The following MDN1 variants were observed in gnomAD, a reference collection of about 807,000 sequenced individuals.
The protein encoded by MDN1 is midasin.
Under a neutral mutation model 669.2 loss-of-function variants are expected in MDN1, and 266 were observed. The ratio of observed to expected loss-of-function variants is 0.40; its 90% CI spans 0.36 to 0.44. The LOEUF (loss-of-function observed/expected upper bound fraction) is 0.44. MDN1 is among the 20% of genes least tolerant of loss of function. The probability of loss-of-function intolerance (pLI) is 1.00; values close to 1 mark genes in which losing one functional copy is unlikely to be tolerated. For synonymous variants in MDN1, 2,385 were observed against 2,457.1 expected (o/e 0.97, Z 0.87); for missense variants, 5,940 against 6,754.0 (o/e 0.88, Z 4.22).
At position 89,688,777 on chromosome 6, in the gene MDN1, G is replaced by A. The variant is rs1419365107; in HGVS notation, c.11055C>T (p.Ser3685=). Residue 3685 remains serine (S), a synonymous_variant, in exon 66 of 102, where the codon AGC becomes AGT. Coordinates refer to ENST00000369393, the MANE Select transcript of MDN1 (RefSeq NM_014611.3). ...GGGAGAGGGTACAGGCCAAAAGTTGGCTGCCCAAGAGTCGGTCATTCAGTT... is the reference window on the plus strand; with the variant it reads ...GGGAGAGGGTACAGGCCAAAAGTTGACTGCCCAAGAGTCGGTCATTCAGTT... ...GVELNDRLLG[S]QLLACTLSHN... is the part of the protein sequence containing the mutation. 1 of 1,614,026 alleles carries A rather than the reference G, an allele frequency of 6.2e-7. No homozygotes were observed. The highest frequency in any genetic ancestry group is 1.3e-5 in the African/African-American group (1 of 74,916).
chr6:89,690,587 A>G, intron 64 of MDN1, 86 bp downstream of exon 64: 4 of 1,500,738 alleles, frequency 2.7e-6, no homozygotes, highest in Non-Finnish European at 2.7e-6. Flanking sequence ...GAGAGAGATA[A>G]AGAGGAAGAG....
chr6:89,721,180 G>A (rs778683466), intron 40 of MDN1, among the ~76,000 whole-genome samples: 20 of 152,202 alleles, frequency 1.3e-4, no homozygotes, highest in Non-Finnish European at 2.4e-4. Context: ...GTCGACTCCT[G>A]TGAGGTATGG....
chr6:89,775,074 TCTC>T (rs1330844114), intron 12 of MDN1, among the ~76,000 whole-genome samples: 1 of 152,172 alleles, frequency 6.6e-6, no homozygotes, highest in East Asian at 1.9e-4. Flanking sequence ...CTAGCTATGC[TCTC>T]CTCTGCTTTA....
At chr6:89,649,910 G>A (rs1808732235) in intron 97 of MDN1, 114 bp downstream of exon 97, 1 of 1,079,416 alleles carries the variant, frequency 9.3e-7, no homozygotes, top group East Asian at 2.4e-5. Flanking sequence ...AAATGTTTTA[G>A]CCATATCATA....
At chr6:89,729,170 A>C in intron 35 of MDN1, 31 bp from the exon 36 acceptor site, 1 of 1,565,176 alleles carries the variant, frequency 6.4e-7, no homozygotes, top group Non-Finnish European at 8.7e-7. Context: ...GTCATGTATA[A>C]GCGGGACATC....
At chr6:89,791,290 A>G (rs1315261743) in intron 5 of MDN1, among the ~76,000 whole-genome samples, 1 of 152,200 alleles carries the variant, frequency 6.6e-6, no homozygotes, top group Non-Finnish European at 1.5e-5. Flanking sequence ...AAGATCACAA[A>G]TATACACAAT....
intron 95 of MDN1, among the ~76,000 whole-genome samples, chr6:89,651,199 C>T (rs1808833544): frequency 6.6e-6 from 1 of 150,856 alleles, no homozygotes; most frequent in Non-Finnish European, 1.5e-5. Context: ...GGGGCAGGCA[C>T]CTGTAATCCC....
At chr6:89,652,646 A>G (rs984684320) in intron 94 of MDN1, among the ~76,000 whole-genome samples, 6 of 152,254 alleles carry the variant, frequency 3.9e-5, no homozygotes, top group Admixed American at 2.6e-4. Flanking sequence ...GCACTAAGCC[A>G]AAGATTTTTT....
intron 20 of MDN1, among the ~76,000 whole-genome samples, chr6:89,755,500 C>G (rs564189855): frequency 3.3e-4 from 50 of 152,106 alleles, no homozygotes; most frequent in African/African-American, 1.2e-3. Flanking sequence ...AGAATTAAAG[C>G]TCAATGAGAA....
At position 89,700,248 on chromosome 6, in the gene MDN1, G is replaced by C; in HGVS notation, c.8685C>G (p.Ala2895=). Residue 2895 remains alanine (A), a synonymous_variant, in exon 57 of 102, where the codon GCC becomes GCG. Transcript: ENST00000369393. ...FVHAQCLELK[A]KGLSLGFLEK... is the part of the protein sequence containing the mutation. The stretch of plus-strand genomic sequence containing the variant: ...CCAGAAAACCAAGTGAGAGTCCTTT[G>C]GCTTTCAGTTCTAAACACTGAGCAT... The C allele has an allele frequency of 1.2e-6, 2 of 1,614,160 alleles. No individual in the cohort carries two copies. Among genetic ancestry groups the C allele is most frequent in the South Asian group, 2.2e-5 (2 of 91,082 alleles).
intron 13 of MDN1, among the ~76,000 whole-genome samples, chr6:89,772,928 C>G (rs966978111): frequency 6.6e-6 from 1 of 152,136 alleles, no homozygotes; most frequent in Admixed American, 6.5e-5. Flanking sequence ...ACATCTGATA[C>G]GATGCTAGGC....
intron 38 of MDN1, 120 bp from the exon 39 acceptor site, chr6:89,723,739 T>C (rs1007870000): frequency 4.1e-6 from 2 of 490,312 alleles, no homozygotes; most frequent in African/African-American, 4.0e-5. Flanking sequence ...ATGAGAAATA[T>C]AATTTTCAGT....
Position 89,718,574 on chromosome 6 carries a change from T to G in MDN1, c.6375A>C (p.Val2125=), listed in dbSNP as rs773779645. The change falls in exon 43 of 102, where the codon GTA becomes GTC. Residue 2125 remains valine (V), a synonymous_variant. Coordinates refer to ENST00000369393, the MANE Select transcript of MDN1 (RefSeq NM_014611.3). The part of the protein sequence containing the change: ...RRLLEKVEGT[V]RALLRDSLLI... ...GGAGGCTATCCCTTAACAGTGCCCT[T>G]ACAGTTCCCTCCACCTTCTCTAGCA... 6.2e-7 allele frequency: 1 copy of G among 1,614,144 alleles called. No individual in the cohort carries two copies. Among genetic ancestry groups the G allele is most frequent in the South Asian group, 1.1e-5 (1 of 91,076 alleles).
In MDN1 at chr6:89,658,221, C is replaced by A; in HGVS notation, c.15171G>T (p.Glu5057Asp). 2 of 1,614,190 alleles carry A rather than the reference C, an allele frequency of 1.2e-6. No individual in the cohort carries two copies. The highest frequency in any genetic ancestry group is 1.7e-6 in the Non-Finnish European group (2 of 1,180,046). Residue 5057 changes from glutamate to aspartate, a missense_variant, in exon 90 of 102, where the codon GAG becomes GAT. Physicochemically the swap from Glu to Asp is conservative, Grantham distance 45 (BLOSUM62 2). Around this residue, in one of 5 missense-constraint regions of MDN1, gnomAD observed 2,280 missense variants for 2,576.3 expected, o/e 0.88. Coordinates refer to ENST00000369393, the MANE Select transcript of MDN1 (RefSeq NM_014611.3). ...MELAGAAPEK[E>D]QGKEEHGSGA... ...AACCACTGATCACCTCTTTCCCCTG[C>A]TCCTTCTCAGGTGCGGCCCCAGCCA... is the stretch of plus-strand genomic sequence containing the variant.
chr6:89,803,904 T>C (rs1413615921), intron 1 of MDN1, among the ~76,000 whole-genome samples: 2 of 104,202 alleles, frequency 1.9e-5, no homozygotes, highest in Non-Finnish European at 3.8e-5. Context: ...TCTTTTTTTT[T>C]TTTTTTTTTT....
At chr6:89,703,671 C>T (rs1177501179) in intron 53 of MDN1, among the ~76,000 whole-genome samples, 1 of 152,114 alleles carries the variant, frequency 6.6e-6, no homozygotes, top group Non-Finnish European at 1.5e-5. Flanking sequence ...TTATGACTAT[C>T]TGACAGACAC....
rs1816430201 is a variant in MDN1, at chr6:89,743,967, G to A, written c.4179-253C>T. 2.6e-5 allele frequency among the ~76,000 whole-genome samples: 4 copies of A among 152,020 alleles called. No homozygotes were observed. In the South Asian group the frequency reaches 8.3e-4, roughly 32 times the overall value. On this transcript the variant is annotated intron_variant, in intron 29 of 101. Transcript: ENST00000369393. ...TATCAACAATCACCAGCTGGGCGCA[G>A]TGCCTCACGCCTGTAACCCTAGCAC...
Position 89,668,105 on chromosome 6 carries a change from C to G in MDN1, c.14003G>C (p.Gly4668Ala), listed in dbSNP as rs751707169. The G allele has an allele frequency of 6.2e-7, 1 of 1,614,112 alleles. No individual in the cohort carries two copies. Among genetic ancestry groups the G allele is most frequent in the South Asian group, 1.1e-5 (1 of 91,074 alleles). Reference sequence around the variant, plus strand: ...CTCATAGTCATGGAACTCAGTTGCTCCCTCTCCAGCTGAATCTTCCATAAA... The same window carrying G: ...CTCATAGTCATGGAACTCAGTTGCTGCCTCTCCAGCTGAATCTTCCATAAA... ...KEFMEDSAGE[G>A]ATEFHDYEGG... The change falls in exon 84 of 102, where the codon GGA (glycine) becomes GCA (alanine). Residue 4668 changes from glycine (G) to alanine (A), a missense_variant. By Grantham distance (60) the Gly-to-Ala change is moderately conservative. This residue lies in a region of MDN1 where 2,280 missense variants were observed against 2,576.3 expected (regional missense o/e 0.88). Transcript: ENST00000369393.
chr6:89,819,685 G>C lies in MDN1; in HGVS notation c.-78C>G. The C allele has an allele frequency of 8.1e-7, 1 of 1,228,614 alleles. No individual in the cohort carries two copies. The highest frequency in any genetic ancestry group is 1.2e-5 in the South Asian group (1 of 82,628). 76.1% of individuals were successfully genotyped at this position (1,228,614 alleles called of 1,614,324 possible). A position where few individuals can be genotyped will look rare whatever the true frequency, so the allele number is the denominator to read the frequency against. On this transcript the variant is annotated 5_prime_UTR_variant, in exon 1 of 102. Coordinates refer to ENST00000369393, the MANE Select transcript of MDN1 (RefSeq NM_014611.3). ...GCGTCCCCAAGCCGCCGAGGTCCCA[G>C]TGCCCGAGCAGCCAGCAACTACGCC...
Sources: gnomAD v4.1 joint callset for allele counts (sites outside exome capture counted in the v4.1 genomes callset) on GRCh38, gnomAD v4.1.1 for gene constraint, gnomAD v4.1.1 regional missense constraint, MANE v1.5 for transcripts, NCBI Gene and HGNC (gene_info 2026-07-23, HGNC 2026-07-21) for gene names.